The following COMMD1 variants were observed in gnomAD, a reference collection of about 807,000 sequenced individuals.
COMMD1 encodes the protein copper metabolism domain containing 1.
In COMMD1, 10 loss-of-function variants were observed where a neutral mutation model predicts 17.2. The ratio of observed to expected loss-of-function variants is 0.58; its 90% CI spans 0.36 to 0.99. The LOEUF (loss-of-function observed/expected upper bound fraction) is 0.99. Among genes scored for constraint, COMMD1 ranks in the 50% least tolerant of loss-of-function variants. The pLI is 0.01. For missense variants in COMMD1, 270 were observed against 231.8 expected (o/e 1.17, Z -1.07); for synonymous variants, 97 against 91.6 (o/e 1.06, Z -0.34).
intron 1 of COMMD1, among the ~76,000 whole-genome samples, chr2:61,919,748 C>T (rs182433245): frequency 2.0e-5 from 3 of 152,102 alleles, no homozygotes; most frequent in Non-Finnish European, 4.4e-5. Flanking sequence ...TAGCACATAA[C>T]TAAATAAATT....
chr2:61,891,767 T>C (rs962284267), intron 1 of COMMD1, among the ~76,000 whole-genome samples: 11 of 151,810 alleles, frequency 7.2e-5, no homozygotes, highest in African/African-American at 2.7e-4. Context: ...TAGAGTACTT[T>C]AAGCAAAGCA....
intron 2 of COMMD1, among the ~76,000 whole-genome samples, chr2:62,023,398 G>C (rs1472882539): frequency 6.6e-6 from 1 of 152,052 alleles, no homozygotes; most frequent in Non-Finnish European, 1.5e-5. Flanking sequence ...TGTGTGTATT[G>C]TGAGGAAGAA....
chr2:61,904,983 C>T (rs907734120), upstream of COMMD1, among the ~76,000 whole-genome samples: 45 of 152,168 alleles, frequency 3.0e-4, no homozygotes, highest in African/African-American at 1.1e-3. Flanking sequence ...GTTTTTAAGT[C>T]TCATTCACGT....
intron 1 of COMMD1, among the ~76,000 whole-genome samples, chr2:61,985,241 G>A (rs1014625247): frequency 5.9e-5 from 9 of 151,882 alleles, no homozygotes; most frequent in Middle Eastern, 3.2e-3. Context: ...TAGTAGAGAC[G>A]GGGTTTCACC....
chr2:61,913,673 A>G (rs893593715), intron 1 of COMMD1, among the ~76,000 whole-genome samples: 3 of 150,306 alleles, frequency 2.0e-5, no homozygotes, highest in African/African-American at 7.3e-5. Context: ...GCGGGCTTCT[A>G]TAGTCCCAGC....
At chr2:62,113,741 T>A (rs1160041243) in intron 2 of COMMD1, among the ~76,000 whole-genome samples, 2 of 152,234 alleles carry the variant, frequency 1.3e-5, no homozygotes, top group Admixed American at 6.5e-5. Context: ...ATATAGTATG[T>A]CCATTGTCAT....
chr2:62,112,435 A>C (rs926981779), intron 2 of COMMD1, among the ~76,000 whole-genome samples: 1 of 152,214 alleles, frequency 6.6e-6, no homozygotes, highest in Non-Finnish European at 1.5e-5. Context: ...AGGCCCCAGG[A>C]GTCTTTCACA....
intron 2 of COMMD1, among the ~76,000 whole-genome samples, chr2:62,031,846 A>G (rs571849980): frequency 6.6e-6 from 1 of 152,274 alleles, no homozygotes; most frequent in African/African-American, 2.4e-5. Context: ...CTTTACTCAG[A>G]TTATCTCTGT....
At chr2:61,985,263 G>C (rs1188332532) in intron 1 of COMMD1, among the ~76,000 whole-genome samples, 2 of 152,088 alleles carry the variant, frequency 1.3e-5, no homozygotes, top group African/African-American at 4.8e-5. Context: ...TGTTAGCCAG[G>C]ATGGTCTCGA....
intron 1 of COMMD1, among the ~76,000 whole-genome samples, chr2:61,941,464 A>G (rs1253893907): frequency 6.6e-6 from 1 of 152,210 alleles, no homozygotes; most frequent in Non-Finnish European, 1.5e-5. Context: ...TTTACCATGA[A>G]CTGCGTTATG....
chr2:61,990,653 G>A (rs1672222754), intron 1 of COMMD1, among the ~76,000 whole-genome samples: 1 of 152,184 alleles, frequency 6.6e-6, no homozygotes, highest in Non-Finnish European at 1.5e-5. Context: ...TGAAAGTCAT[G>A]TCTCACATGG....
chr2:61,978,836 G>A (rs1338442761), intron 1 of COMMD1, among the ~76,000 whole-genome samples: 8 of 152,110 alleles, frequency 5.3e-5, no homozygotes, highest in African/African-American at 1.9e-4. Context: ...AATTGGCATA[G>A]CATCACTTCT....
At chr2:62,038,802 G>A (rs1159575086) in intron 2 of COMMD1, among the ~76,000 whole-genome samples, 2 of 152,000 alleles carry the variant, frequency 1.3e-5, no homozygotes, top group Non-Finnish European at 2.9e-5. Context: ...GCCTGCCTTG[G>A]CTTCCCAAAG....
Position 62,135,952 on chromosome 2 carries a change from T to C in COMMD1, c.*11T>C, listed in dbSNP as rs755621342. 9.3e-6 allele frequency: 13 copies of C among 1,403,122 alleles called. No individual in the cohort carries two copies. Among genetic ancestry groups the C allele is most frequent in the African/African-American group, 2.8e-5 (2 of 70,850 alleles). The allele number at this position is 1,403,122 out of a possible 1,614,324, so 86.9% of individuals were successfully genotyped here. ...AGCCAGCCTAACTGAAGATGATGTA[T>C]GAAGGAGTTGGAGTTGTTGAAACCA... On this transcript the variant is annotated 3_prime_UTR_variant, in exon 3 of 3. Coordinates refer to ENST00000311832, the MANE Select transcript of COMMD1 (RefSeq NM_152516.4).
chr2:62,026,685 A>G lies in COMMD1; in HGVS notation c.462+25703A>G, dbSNP rs183138125. On this transcript the variant is annotated intron_variant, in intron 2 of 2. Transcript: ENST00000311832. Reference sequence around the variant, plus strand: ...GAGATGACATTGTCACAAAAGGTATAGGACAAAGATGGTGGATTCTGGATC... The same window carrying G: ...GAGATGACATTGTCACAAAAGGTATGGGACAAAGATGGTGGATTCTGGATC... Among the ~76,000 whole-genome samples, 308 of 152,334 alleles carry G rather than the reference A, an allele frequency of 2.0e-3. 2 individuals carry two copies. The highest frequency in any genetic ancestry group is 7.0e-3 in the African/African-American group (289 of 41,572).
chr2:61,949,291 A>T (rs1217603147), intron 1 of COMMD1, among the ~76,000 whole-genome samples: 1 of 152,216 alleles, frequency 6.6e-6, no homozygotes, highest in Admixed American at 6.5e-5. Context: ...GGTGAAGTGT[A>T]GAGAACCGAG....
intron 1 of COMMD1, among the ~76,000 whole-genome samples, chr2:61,898,664 C>T (rs1669600194): frequency 6.6e-6 from 1 of 151,922 alleles, no homozygotes; most frequent in Admixed American, 6.6e-5. Flanking sequence ...TGGAAAACCT[C>T]ATTAAAAAAA....
chr2:62,016,888 A>G (rs1269497275), intron 2 of COMMD1, among the ~76,000 whole-genome samples: 2 of 152,170 alleles, frequency 1.3e-5, no homozygotes, highest in South Asian at 4.1e-4. Context: ...TAATTTTTTC[A>G]TATGATATGA....
At chr2:62,045,528 A>G (rs1343331360) in intron 2 of COMMD1, among the ~76,000 whole-genome samples, 3 of 149,688 alleles carry the variant, frequency 2.0e-5, no homozygotes, top group Non-Finnish European at 3.0e-5. Flanking sequence ...CGTTTTAGAG[A>G]GGGACTATTA....
Sources: gnomAD v4.1 joint callset for allele counts (sites outside exome capture counted in the v4.1 genomes callset) on GRCh38, gnomAD v4.1.1 for gene constraint, MANE v1.5 for transcripts, NCBI Gene and HGNC (gene_info 2026-07-23, HGNC 2026-07-21) for gene names.